The following HYCC2 variants were observed in gnomAD, a reference collection of about 807,000 sequenced individuals.
HYCC2 encodes hyccin PI4KA lipid kinase complex subunit 2, also known as hyccin 2.
the HYCC2 span, chr2:200,993,065 T>C: frequency 8.5e-7 from 1 of 1,171,988 alleles, no homozygotes; most frequent in Non-Finnish European, 1.3e-6. Context: ...AGTTTTTGTT[T>C]TCCTAAATTC....
At chr2:200,985,135 GA>G in the HYCC2 span, among the ~76,000 whole-genome samples, 1 of 151,946 alleles carries the variant, frequency 6.6e-6, no homozygotes, top group Non-Finnish European at 1.5e-5. Context: ...CCTCAAGAAA[GA>G]AAAAGGCAAT....
the HYCC2 span, among the ~76,000 whole-genome samples, chr2:200,995,054 T>A: frequency 1.3e-5 from 2 of 150,932 alleles, no homozygotes; most frequent in African/African-American, 4.9e-5. Flanking sequence ...GCCACAATAA[T>A]GTTGCCAATA....
the HYCC2 span, chr2:200,978,089 T>G: frequency 6.6e-6 from 1 of 152,198 alleles, no homozygotes; most frequent in Non-Finnish European, 1.5e-5. Flanking sequence ...TAACAAAAGC[T>G]TGTTAAAAAA....
chr2:201,002,952 A>G, the HYCC2 span, among the ~76,000 whole-genome samples: 92 of 152,364 alleles, frequency 6.0e-4, 1 homozygote, highest in African/African-American at 2.1e-3. Context: ...AAAAACTGAA[A>G]ACAATCTAAA....
At chr2:201,023,096 C>T in the HYCC2 span, among the ~76,000 whole-genome samples, 8 of 152,232 alleles carry the variant, frequency 5.3e-5, no homozygotes, top group African/African-American at 1.9e-4. Context: ...CGTCTGGAAT[C>T]CCAGCAGTTT....
chr2:201,047,647 A>G, the HYCC2 span, among the ~76,000 whole-genome samples: 3 of 151,588 alleles, frequency 2.0e-5, no homozygotes, highest in Non-Finnish European at 4.4e-5. Context: ...GATGCCGTAA[A>G]CTAGAGAAGG....
chr2:201,053,686 C>T, the HYCC2 span, among the ~76,000 whole-genome samples: 1 of 152,150 alleles, frequency 6.6e-6, no homozygotes, highest in Non-Finnish European at 1.5e-5. Flanking sequence ...CTGCCCAAGC[C>T]GGGCGTGGTG....
the HYCC2 span, among the ~76,000 whole-genome samples, chr2:201,018,938 C>T: frequency 1.3e-5 from 2 of 152,200 alleles, no homozygotes; most frequent in African/African-American, 4.8e-5. Context: ...TTCAGGTCTT[C>T]TGACATCAAG....
At chr2:200,984,878 C>G in the HYCC2 span, among the ~76,000 whole-genome samples, 92 of 152,264 alleles carry the variant, frequency 6.0e-4, no homozygotes, top group African/African-American at 2.1e-3. Flanking sequence ...CTGGGGAGGC[C>G]AAGATAGGAG....
chr2:200,997,638 T>G, the HYCC2 span: 1 of 731,652 alleles, frequency 1.4e-6, no homozygotes, highest in East Asian at 2.6e-5. Context: ...TATGATTTCT[T>G]AATCAAATCA....
At chr2:200,990,843 T>C in the HYCC2 span, among the ~76,000 whole-genome samples, 1 of 152,198 alleles carries the variant, frequency 6.6e-6, no homozygotes, top group African/African-American at 2.4e-5. Flanking sequence ...AGTGCTGGGT[T>C]ACAGGTGTGA....
At chr2:201,018,667 T>C in the HYCC2 span, among the ~76,000 whole-genome samples, 4 of 152,324 alleles carry the variant, frequency 2.6e-5, no homozygotes, top group Admixed American at 2.6e-4. Flanking sequence ...AGAACAGTTT[T>C]TAAAATCTTA....
At chr2:201,053,366 G>A in the HYCC2 span, among the ~76,000 whole-genome samples, 3 of 152,214 alleles carry the variant, frequency 2.0e-5, no homozygotes, top group African/African-American at 7.2e-5. Flanking sequence ...CAGGTGATCT[G>A]TAAAATCAAA....
At chr2:201,006,295 AT>A in the HYCC2 span, among the ~76,000 whole-genome samples, 9,916 of 134,674 alleles carry the variant, frequency 0.074, 366 homozygotes, top group Non-Finnish European at 0.11. Context: ...CGCCTGGTTA[AT>A]TTTTTTTTTT....
At chr2:201,048,521 TA>T in the HYCC2 span, among the ~76,000 whole-genome samples, 102 of 150,886 alleles carry the variant, frequency 6.8e-4, no homozygotes, top group African/African-American at 2.2e-3. Flanking sequence ...TTTTTTTTTT[TA>T]AGCTCATCAG....
the HYCC2 span, among the ~76,000 whole-genome samples, chr2:201,056,656 A>C: frequency 6.6e-6 from 1 of 151,104 alleles, no homozygotes; most frequent in Non-Finnish European, 1.5e-5. Flanking sequence ...CCTGGGTAAC[A>C]AGAGTGAAAC....
chr2:201,026,320 C>A, the HYCC2 span, among the ~76,000 whole-genome samples: 12 of 152,212 alleles, frequency 7.9e-5, no homozygotes, highest in Middle Eastern at 3.4e-3. Flanking sequence ...AAAGCAAGTC[C>A]TTAGAGGCCT....
chr2:201,060,646 A>AT, the HYCC2 span, among the ~76,000 whole-genome samples: 13 of 152,064 alleles, frequency 8.5e-5, no homozygotes, highest in Middle Eastern at 3.4e-3. Context: ...CTACGTCTGA[A>AT]TTTTTTTTAC....
the HYCC2 span, among the ~76,000 whole-genome samples, chr2:201,002,157 G>A: frequency 6.6e-6 from 1 of 151,442 alleles, no homozygotes; most frequent in African/African-American, 2.4e-5. Flanking sequence ...AATGGGGCTG[G>A]GCACAGTGGC....
Sources: allele counts gnomAD v4.1 joint callset (sites outside exome capture counted in the v4.1 genomes callset), GRCh38; gene constraint gnomAD v4.1.1; transcripts MANE v1.5; gene names NCBI Gene and HGNC (gene_info 2026-07-23, HGNC 2026-07-21).